Variants in RIMBP2 observed in about 807,000 individuals in gnomAD.
The protein encoded by RIMBP2 is RIMS binding protein 2, also known as RIMS-binding protein 2.
A neutral mutation model predicts 118.6 loss-of-function variants in RIMBP2; 48 were observed. The observed-to-expected ratio is 0.40, with a 90% CI of 0.32 to 0.51. The LOEUF (loss-of-function observed/expected upper bound fraction) is 0.51, where lower values mean the gene tolerates loss of function less well. RIMBP2 is among the 20% of genes least tolerant of loss of function. The pLI, the probability that RIMBP2 is intolerant of heterozygous loss-of-function variation, is 0.41. For synonymous variants in RIMBP2, 762 were observed against 742.9 expected (o/e 1.03, Z -0.42); for missense variants, 1,551 against 1,768.3 (o/e 0.88, Z 2.20).
intron 6 of RIMBP2, among the ~76,000 whole-genome samples, chr12:130,459,364 C>G (rs75847700): frequency 6.6e-6 from 1 of 151,994 alleles, no homozygotes; most frequent in Non-Finnish European, 1.5e-5. Context: ...GCTGCTCCCA[C>G]GCCAGCTTCC....
intron 2 of RIMBP2, among the ~76,000 whole-genome samples, chr12:130,604,582 C>CTTTTTTTTTTTT (rs777097560): frequency 0.023 from 1,515 of 67,114 alleles, 444 homozygotes; most frequent in Non-Finnish European, 0.027. Flanking sequence ...TGCCCCTTTT[C>CTTTTTTTTTTTT]TTTCTTTTTT....
intron 1 of RIMBP2, among the ~76,000 whole-genome samples, chr12:130,646,058 A>ACCACTTCCCTCTCCACCTCCCTCT (rs2062871987): frequency 8.8e-6 from 1 of 114,262 alleles, no homozygotes; most frequent in Admixed American, 9.5e-5. Flanking sequence ...CACCTCCCTC[A>ACCACTTCCCTCTCCACCTCCCTCT]CCACCTGCCT....
At chr12:130,640,850 G>T (rs1566416231) in intron 1 of RIMBP2, among the ~76,000 whole-genome samples, 1 of 152,190 alleles carries the variant, frequency 6.6e-6, no homozygotes, top group African/African-American at 2.4e-5. Context: ...GGGCCACCAA[G>T]GTTTTCAAAG....
chr12:130,615,202 T>C (rs1029108094), intron 2 of RIMBP2, among the ~76,000 whole-genome samples: 2 of 144,756 alleles, frequency 1.4e-5, no homozygotes, highest in African/African-American at 5.0e-5. Context: ...TTACAACATA[T>C]ACATCATATT....
At chr12:130,630,815 A>G (rs561849879) in intron 1 of RIMBP2, among the ~76,000 whole-genome samples, 1 of 152,352 alleles carries the variant, frequency 6.6e-6, no homozygotes, top group South Asian at 2.1e-4. Flanking sequence ...TTAAGGTTCT[A>G]TACCCAAAAC....
At chr12:130,501,043 G>C (rs1321919909) in intron 4 of RIMBP2, among the ~76,000 whole-genome samples, 1 of 152,184 alleles carries the variant, frequency 6.6e-6, no homozygotes, top group Non-Finnish European at 1.5e-5. Flanking sequence ...GTGACGCCCT[G>C]ACCCTGAACC....
chr12:130,566,310 C>T (rs144701657), intron 2 of RIMBP2, among the ~76,000 whole-genome samples: 46 of 152,270 alleles, frequency 3.0e-4, no homozygotes, highest in African/African-American at 1.1e-3. Context: ...CCCCTCTAGA[C>T]AAGAGGTGCA....
intron 2 of RIMBP2, among the ~76,000 whole-genome samples, chr12:130,597,869 A>G (rs1177328559): frequency 6.6e-6 from 1 of 152,232 alleles, no homozygotes; most frequent in Non-Finnish European, 1.5e-5. Flanking sequence ...TTAAAATTGT[A>G]CTGGAGATTT....
At chr12:130,548,770 C>T (rs1018131566) in intron 2 of RIMBP2, among the ~76,000 whole-genome samples, 2 of 146,438 alleles carry the variant, frequency 1.4e-5, no homozygotes, top group Non-Finnish European at 2.9e-5. Flanking sequence ...GACGGGGTTT[C>T]ACCATGTTGA....
intron 2 of RIMBP2, among the ~76,000 whole-genome samples, chr12:130,579,082 G>GC (rs2058286816): frequency 6.6e-6 from 1 of 152,262 alleles, no homozygotes; most frequent in South Asian, 2.1e-4. Context: ...GGGCATCGTA[G>GC]CCTGTTGCTT....
rs201332651 is a variant in RIMBP2 at position 130,428,381 on chromosome 12, G to C, written c.2254-44C>G. On this transcript the variant is annotated intron_variant, in intron 14 of 22. Coordinates refer to ENST00000690449, the MANE Select transcript of RIMBP2 (RefSeq NM_001393629.1). ...GGCTACTGAGCGGGTGGCTCCTCCC[G>C]CATCCTACAAGAGGCCAGATTGAGC... The C allele has an allele frequency of 2.2e-5, 35 of 1,568,938 alleles. No homozygotes were observed. In the Middle Eastern group the frequency reaches 1.5e-3, roughly 69 times the overall value.
intron 2 of RIMBP2, among the ~76,000 whole-genome samples, chr12:130,570,000 G>A (rs1424905996): frequency 6.6e-6 from 1 of 152,146 alleles, no homozygotes; most frequent in African/African-American, 2.4e-5. Flanking sequence ...ACACCTTTAT[G>A]AGGAAGGAAT....
At chr12:130,430,892 A>G (rs1286413352) in intron 14 of RIMBP2, among the ~76,000 whole-genome samples, 5 of 152,156 alleles carry the variant, frequency 3.3e-5, no homozygotes, top group Non-Finnish European at 7.4e-5. Context: ...TGGCCTCCCA[A>G]AGTGCTGGGA....
In RIMBP2 at chr12:130,422,298, A is replaced by T. The variant is rs535216937; in HGVS notation, c.3238+155T>A. Among the ~76,000 whole-genome samples the T allele has an allele frequency of 3.3e-5, 5 of 152,350 alleles. No individual in the cohort carries two copies. The East Asian group carries it at 9.6e-4, about 29-fold the overall frequency. On this transcript the variant is annotated intron_variant, in intron 17 of 22. Transcript: ENST00000690449. The surrounding 1 kb of genome is among the most constrained non-coding windows in gnomAD (Gnocchi z 5.2). ...GAATACTTACAAATAGCTTTCATTT[A>T]TCTTGTGCTGTTCCTGCCTTCTTTT...
At chr12:130,481,816 C>T (rs1041212135) in intron 4 of RIMBP2, among the ~76,000 whole-genome samples, 5 of 152,194 alleles carry the variant, frequency 3.3e-5, no homozygotes, top group East Asian at 3.9e-4. Flanking sequence ...ACAGCCCTCC[C>T]GAGATCCGCC....
chr12:130,555,272 C>T lies in RIMBP2; in HGVS notation c.-216-37355G>A, dbSNP rs1402129200. ...ACAATCAGATTCAGGAGAAAGCCCT[C>T]GCAGGAAAAAATGGTAAATTTAAAA... On this transcript the variant is annotated intron_variant, in intron 2 of 22. Transcript: ENST00000690449. 2.6e-5 allele frequency among the ~76,000 whole-genome samples: 4 copies of T among 152,058 alleles called. No individual in the cohort carries two copies. The East Asian group carries it at 5.8e-4, about 22-fold the overall frequency.
intron 9 of RIMBP2, among the ~76,000 whole-genome samples, chr12:130,445,499 G>A (rs1230384552): frequency 6.6e-6 from 1 of 152,180 alleles, no homozygotes; most frequent in African/African-American, 2.4e-5. Flanking sequence ...GAAGTTATAT[G>A]CTCAGAACTA....
intron 1 of RIMBP2, among the ~76,000 whole-genome samples, chr12:130,663,868 G>T (rs946071614): frequency 6.6e-6 from 1 of 151,702 alleles, no homozygotes; most frequent in Non-Finnish European, 1.5e-5. Flanking sequence ...ATACCGGTTT[G>T]TTAATAATTG....
intron 19 of RIMBP2, among the ~76,000 whole-genome samples, chr12:130,408,518 T>C (rs953402866): frequency 6.6e-6 from 1 of 152,120 alleles, no homozygotes; most frequent in African/African-American, 2.4e-5. Flanking sequence ...CTGGGCATCA[T>C]CCCAGCACAC....
Sources: allele counts gnomAD v4.1 joint callset (sites outside exome capture counted in the v4.1 genomes callset), GRCh38; gene constraint gnomAD v4.1.1; non-coding constraint Gnocchi (gnomAD v3.1); transcripts MANE v1.5; gene names NCBI Gene and HGNC (gene_info 2026-07-23, HGNC 2026-07-21).